Variants in RNU7-1 observed in about 807,000 individuals in gnomAD.
RNU7-1 encodes the protein RNA, U7 small nuclear 1.
At chr12:6,943,875 C>A (rs115355876) in exon 1 of RNU7-1, 28 of 974,368 alleles carry the variant, frequency 2.9e-5, no homozygotes, top group South Asian at 5.2e-5. Context: ...ACCGGAAAGC[C>A]CCTCTTATGA....
At chr12:6,943,854 T>C (rs888089166) in exon 1 of RNU7-1, 29 of 922,376 alleles carry the variant, frequency 3.1e-5, no homozygotes, top group South Asian at 5.3e-5. Context: ...TAGTAGGCTT[T>C]CTGGCTTTTT....
chr12:6,943,864 T>A lies in RNU7-1; in HGVS notation n.49T>A, dbSNP rs145994149. ...TTGTCTAGTAGGCTTTCTGGCTTTTTACCGGAAAGCCCCTCTTATGATGTT... is the reference window on the plus strand; with the variant it reads ...TTGTCTAGTAGGCTTTCTGGCTTTTAACCGGAAAGCCCCTCTTATGATGTT... On this transcript the variant is annotated non_coding_transcript_exon_variant, in exon 1 of 1. Transcript: ENST00000458811. 464 of 937,256 alleles carry A rather than the reference T, an allele frequency of 5.0e-4. No homozygotes were observed. The highest frequency in any genetic ancestry group is 6.5e-4 in the Non-Finnish European group (433 of 663,386). The allele number at this position is 937,256 out of a possible 1,614,324, so 58.1% of individuals were successfully genotyped here. A position where few individuals can be genotyped will look rare whatever the true frequency, so the allele number is the denominator to read the frequency against.
rs115670517 is a variant in RNU7-1 at position 6,943,816 on chromosome 12, C to T, written n.1C>T. Reference sequence around the variant, plus strand: ...ATCTTCTCTCCAAACACATACGCAGCAGTGTTACAGCTCTTTTAGAATTTG... The same window carrying T: ...ATCTTCTCTCCAAACACATACGCAGTAGTGTTACAGCTCTTTTAGAATTTG... On this transcript the variant is annotated non_coding_transcript_exon_variant, in exon 1 of 1. Transcript: ENST00000458811. The T allele has an allele frequency of 1.4e-3, 1,143 of 833,580 alleles. 2 individuals carry two copies. The highest frequency in any genetic ancestry group is 7.3e-3 in the African/African-American group (419 of 57,044). 51.6% of individuals were successfully genotyped at this position (833,580 alleles called of 1,614,324 possible).
chr12:6,943,826 G>T (rs1003056522), exon 1 of RNU7-1: 7 of 862,556 alleles, frequency 8.1e-6, no homozygotes, highest in African/African-American at 1.7e-5. Context: ...CAGTGTTACA[G>T]CTCTTTTAGA....
At chr12:6,943,851 C>G (rs116861153) in exon 1 of RNU7-1, 36 of 900,766 alleles carry the variant, frequency 4.0e-5, no homozygotes, top group South Asian at 1.1e-4. Context: ...GTCTAGTAGG[C>G]TTTCTGGCTT....
exon 1 of RNU7-1, chr12:6,943,876 C>A (rs780348551): frequency 8.1e-6 from 8 of 982,272 alleles, no homozygotes; most frequent in African/African-American, 1.7e-5. Context: ...CCGGAAAGCC[C>A]CTCTTATGAT....
chr12:6,943,869 G>GC (rs1174136528), exon 1 of RNU7-1: 15 of 953,356 alleles, frequency 1.6e-5, no homozygotes, highest in Middle Eastern at 3.4e-4. Context: ...CTTTTTACCG[G>GC]AAAGCCCCTC....
exon 1 of RNU7-1, chr12:6,943,855 C>G (rs781848591): frequency 1.9e-5 from 18 of 933,036 alleles, no homozygotes; most frequent in East Asian, 3.1e-5. Context: ...AGTAGGCTTT[C>G]TGGCTTTTTA....
chr12:6,943,860 T>C (rs781874734), exon 1 of RNU7-1: 7 of 932,810 alleles, frequency 7.5e-6, no homozygotes, highest in Middle Eastern at 3.5e-4. Context: ...GCTTTCTGGC[T>C]TTTTACCGGA....
At chr12:6,943,844 T>G (rs185860337) in exon 1 of RNU7-1, 4 of 891,434 alleles carry the variant, frequency 4.5e-6, no homozygotes, top group East Asian at 3.3e-5. Flanking sequence ...AGAATTTGTC[T>G]AGTAGGCTTT....
exon 1 of RNU7-1, chr12:6,943,853 T>TC (rs1298070350): frequency 1.1e-6 from 1 of 909,286 alleles, no homozygotes; most frequent in East Asian, 3.2e-5. Context: ...CTAGTAGGCT[T>TC]TCTGGCTTTT....
chr12:6,943,834 A>T, exon 1 of RNU7-1: 1 of 868,444 alleles, frequency 1.2e-6, no homozygotes, highest in Non-Finnish European at 1.6e-6. Context: ...CAGCTCTTTT[A>T]GAATTTGTCT....
chr12:6,943,840 T>G (rs1239368206), exon 1 of RNU7-1: 9 of 879,564 alleles, frequency 1.0e-5, no homozygotes, highest in Non-Finnish European at 1.1e-5. Flanking sequence ...TTTTAGAATT[T>G]GTCTAGTAGG....
chr12:6,943,834 A>C, exon 1 of RNU7-1: 1 of 868,444 alleles, frequency 1.2e-6, no homozygotes, highest in Non-Finnish European at 1.6e-6. Flanking sequence ...CAGCTCTTTT[A>C]GAATTTGTCT....
At chr12:6,943,866 C>G (rs139594532) in exon 1 of RNU7-1, 36 of 934,178 alleles carry the variant, frequency 3.9e-5, no homozygotes, top group Admixed American at 1.6e-4. Context: ...TGGCTTTTTA[C>G]CGGAAAGCCC....
chr12:6,943,816 CA>C, exon 1 of RNU7-1: 1 of 833,588 alleles, frequency 1.2e-6, no homozygotes, highest in Non-Finnish European at 1.7e-6. Context: ...ACATACGCAG[CA>C]GTGTTACAGC....
rs1055698058 is a variant in RNU7-1 at position 6,943,850 on chromosome 12, G to A, written n.35G>A. ...AGCTCTTTTAGAATTTGTCTAGTAG[G>A]CTTTCTGGCTTTTTACCGGAAAGCC... is the stretch of plus-strand genomic sequence containing the variant. On this transcript the variant is annotated non_coding_transcript_exon_variant, in exon 1 of 1. Coordinates refer to ENST00000458811, the Ensembl canonical transcript of RNU7-1. 5.0e-5 allele frequency: 45 copies of A among 896,030 alleles called. 1 individual carries two copies. The highest frequency in any genetic ancestry group is 1.6e-4 in the East Asian group (5 of 31,120). The allele number at this position is 896,030 out of a possible 1,614,324, so 55.5% of individuals were successfully genotyped here.
rs1461185108 is a variant in RNU7-1, at chr12:6,943,854, TC to T, written n.40del. On this transcript the variant is annotated non_coding_transcript_exon_variant, in exon 1 of 1. Transcript: ENST00000458811. ...CTTTTAGAATTTGTCTAGTAGGCTTTCTGGCTTTTTACCGGAAAGCCCCTCT... is the reference window on the plus strand; with the variant it reads ...CTTTTAGAATTTGTCTAGTAGGCTTTTGGCTTTTTACCGGAAAGCCCCTCT... The T allele has an allele frequency of 9.8e-6, 9 of 922,376 alleles. No homozygotes were observed. In the African/African-American group the frequency reaches 1.2e-4, roughly 12 times the overall value. The allele number at this position is 922,376 out of a possible 1,614,324, so 57.1% of individuals were successfully genotyped here. A position where few individuals can be genotyped will look rare whatever the true frequency, so the allele number is the denominator to read the frequency against.
chr12:6,943,857 G>C (rs782253023), exon 1 of RNU7-1: 15 of 937,922 alleles, frequency 1.6e-5, no homozygotes, highest in Admixed American at 9.3e-5. Context: ...TAGGCTTTCT[G>C]GCTTTTTACC....
Sources: allele counts gnomAD v4.1 joint callset, GRCh38; gene constraint gnomAD v4.1.1; transcripts MANE v1.5; gene names NCBI Gene and HGNC (gene_info 2026-07-23, HGNC 2026-07-21).